EPHA6: variants seen among roughly 807,000 people sequenced by gnomAD.
The protein encoded by EPHA6 is ephrin type-A receptor 6.
In EPHA6, 50 loss-of-function variants were observed where a neutral mutation model predicts 112.0. That is an observed-to-expected ratio of 0.45 (90% CI 0.36 to 0.56). The LOEUF is 0.56. Among genes scored for constraint, EPHA6 ranks in the 20% least tolerant of loss-of-function variants. The probability of loss-of-function intolerance (pLI) is 0.00; values close to 1 mark genes in which losing one functional copy is unlikely to be tolerated. For missense variants in EPHA6, 1,280 were observed against 1,417.4 expected, an observed-to-expected ratio of 0.90 and a Z score of 1.56; for synonymous variants, 529 against 490.7, an observed-to-expected ratio of 1.08 and a Z score of -1.03.
intron 2 of EPHA6, among the ~76,000 whole-genome samples, chr3:96,952,487 G>T (rs941079625): frequency 2.0e-5 from 3 of 152,088 alleles, no homozygotes; most frequent in Non-Finnish European, 2.9e-5. Flanking sequence ...GGCCCTCTTC[G>T]TTTCTCTTTT....
At chr3:97,198,306 G>C (rs980308030) in intron 3 of EPHA6, among the ~76,000 whole-genome samples, 1 of 152,126 alleles carries the variant, frequency 6.6e-6, no homozygotes, top group Non-Finnish European at 1.5e-5. Context: ...CATCACTGAA[G>C]TGGTTATGAC....
chr3:97,016,036 TC>T (rs1374187036), intron 3 of EPHA6, among the ~76,000 whole-genome samples: 1 of 139,256 alleles, frequency 7.2e-6, no homozygotes, highest in African/African-American at 2.7e-5. Flanking sequence ...TCTTCATTCT[TC>T]CTGAAAAAAA....
At chr3:97,068,007 C>G (rs1050598264) in intron 3 of EPHA6, among the ~76,000 whole-genome samples, 1 of 151,462 alleles carries the variant, frequency 6.6e-6, no homozygotes, top group African/African-American at 2.4e-5. Context: ...TAGCTGGGCA[C>G]CATGGCACAT....
chr3:97,519,766 A>AT (rs1024093050), intron 10 of EPHA6, among the ~76,000 whole-genome samples: 4 of 150,440 alleles, frequency 2.7e-5, no homozygotes, highest in African/African-American at 7.3e-5. Flanking sequence ...TTCCTTGTTG[A>AT]TTTTTTTTCA....
chr3:96,851,432 C>CTA (rs1284477548), intron 1 of EPHA6, among the ~76,000 whole-genome samples: 1 of 152,104 alleles, frequency 6.6e-6, no homozygotes. Flanking sequence ...TACGCCAAGG[C>CTA]TACCATCATT....
chr3:96,838,138 G>A (rs1233039955), intron 1 of EPHA6, among the ~76,000 whole-genome samples: 5 of 151,226 alleles, frequency 3.3e-5, no homozygotes, highest in Non-Finnish European at 7.4e-5. Flanking sequence ...TTATAAGTGA[G>A]AGCATGCAGT....
At chr3:97,458,242 G>A (rs751109174) in intron 7 of EPHA6, among the ~76,000 whole-genome samples, 50 of 151,930 alleles carry the variant, frequency 3.3e-4, no homozygotes, top group Non-Finnish European at 6.3e-4. Flanking sequence ...CATGACATGT[G>A]TGAGCACATT....
At chr3:97,138,900 G>C (rs1576555244) in intron 3 of EPHA6, among the ~76,000 whole-genome samples, 1 of 152,200 alleles carries the variant, frequency 6.6e-6, no homozygotes. Flanking sequence ...GCTACTGCCA[G>C]TGGAGACCCT....
At chr3:97,719,518 G>A (rs942364708) in intron 14 of EPHA6, among the ~76,000 whole-genome samples, 1 of 152,102 alleles carries the variant, frequency 6.6e-6, no homozygotes, top group South Asian at 2.1e-4. Context: ...GGGATTTATA[G>A]AGTGTTTCAA....
intron 5 of EPHA6, among the ~76,000 whole-genome samples, chr3:97,311,655 T>C (rs1040639098): frequency 1.3e-5 from 2 of 151,812 alleles, no homozygotes; most frequent in East Asian, 3.9e-4. Context: ...TTATCTTTCC[T>C]CATTCAATAC....
rs746475582 is a variant in EPHA6 at position 97,013,866 on chromosome 3, A to T, written c.1114+25873A>T. Among the ~76,000 whole-genome samples, 3 of 152,076 alleles carry T rather than the reference A, an allele frequency of 2.0e-5. No individual in the cohort carries two copies. The East Asian group carries it at 5.8e-4, about 29-fold the overall frequency. On this transcript the variant is annotated intron_variant, in intron 3 of 17. Coordinates refer to ENST00000389672, the MANE Select transcript of EPHA6 (RefSeq NM_001080448.3). ...AAGCATGTTTTTGCATAGGAGTTTT[A>T]TGTTTTTGTTTTTGGCATGGGTCTT...
chr3:97,012,559 A>G (rs192140162), intron 3 of EPHA6, among the ~76,000 whole-genome samples: 43 of 147,632 alleles, frequency 2.9e-4, no homozygotes, highest in Admixed American at 6.8e-4. Context: ...TTATAAAACT[A>G]GAATATATAT....
intron 16 of EPHA6, among the ~76,000 whole-genome samples, chr3:97,741,227 C>A (rs958078103): frequency 8.6e-5 from 13 of 151,936 alleles, no homozygotes; most frequent in Admixed American, 7.2e-4. Context: ...GTGGCACATG[C>A]CTGTGGTCCC....
intron 16 of EPHA6, among the ~76,000 whole-genome samples, chr3:97,740,015 C>T (rs562747725): frequency 6.6e-5 from 10 of 152,108 alleles, no homozygotes; most frequent in Admixed American, 6.5e-4. Context: ...CAGTGCCTGG[C>T]CATGCACTTT....
At position 97,226,135 on chromosome 3, in the gene EPHA6, C is replaced by A. The variant is rs376287141; in HGVS notation, c.1115-129C>A. On this transcript the variant is annotated intron_variant, in intron 3 of 17. Transcript: ENST00000389672. ...CATTTGTTAATCTTAATATAGATGT[C>A]TTCTCTATGTATGTGTAACACTGTA... 5.6e-5 allele frequency: 35 copies of A among 623,356 alleles called. No individual in the cohort carries two copies. The Middle Eastern group carries it at 1.4e-3, about 25-fold the overall frequency. 38.6% of individuals were successfully genotyped at this position (623,356 alleles called of 1,614,324 possible).
intron 2 of EPHA6, among the ~76,000 whole-genome samples, chr3:96,883,649 C>T (rs1474286153): frequency 6.6e-6 from 1 of 152,024 alleles, no homozygotes. Context: ...CCAGTTATCT[C>T]AACACCATTT....
At chr3:97,208,730 G>C (rs150913876) in intron 3 of EPHA6, among the ~76,000 whole-genome samples, 2,949 of 151,222 alleles carry the variant, frequency 0.02, 53 homozygotes, top group Non-Finnish European at 0.029. Context: ...CTGGGTGACA[G>C]AGCAAGACTC....
At chr3:97,099,186 AT>A (rs1368393191) in intron 3 of EPHA6, among the ~76,000 whole-genome samples, 5 of 151,942 alleles carry the variant, frequency 3.3e-5, no homozygotes, top group African/African-American at 1.2e-4. Context: ...AAGCTTCCTT[AT>A]TGTTAATCAC....
At chr3:97,236,930 A>G (rs1021118755) in intron 4 of EPHA6, among the ~76,000 whole-genome samples, 3 of 151,882 alleles carry the variant, frequency 2.0e-5, no homozygotes, top group Non-Finnish European at 2.9e-5. Flanking sequence ...GATGCTCACA[A>G]TCCAAGCATC....
Sources: allele counts gnomAD v4.1 joint callset (sites outside exome capture counted in the v4.1 genomes callset), GRCh38; gene constraint gnomAD v4.1.1; transcripts MANE v1.5; gene names NCBI Gene and HGNC (gene_info 2026-07-23, HGNC 2026-07-21).